The following ECH1 variants were observed in gnomAD, a reference collection of about 807,000 sequenced individuals.
The protein encoded by ECH1 is enoyl-CoA hydratase 1.
ECH1 carries 30 observed loss-of-function variants against 37.0 expected under a neutral mutation model. That is an observed-to-expected ratio of 0.81 (90% CI 0.61 to 1.10). The LOEUF (loss-of-function observed/expected upper bound fraction) is 1.10, where lower values mean the gene tolerates loss of function less well. Ranked by LOEUF, ECH1 falls within the 50% of genes least tolerant of loss-of-function variation. The probability of loss-of-function intolerance (pLI) is 0.00; values close to 1 mark genes in which losing one functional copy is unlikely to be tolerated. For missense variants in ECH1, 456 were observed against 441.6 expected (o/e 1.03, Z -0.29); for synonymous variants, 178 against 176.0 (o/e 1.01, Z -0.09).
At chr19:38,830,103 G>A (rs957025011) in intron 3 of ECH1, among the ~76,000 whole-genome samples, 2 of 152,224 alleles carry the variant, frequency 1.3e-5, no homozygotes, top group African/African-American at 4.8e-5. Context: ...GTTGCAGTGA[G>A]TTGAGATTGC....
Position 38,817,310 on chromosome 19 carries a change from ACT to A in ECH1, c.523+4_523+5del. ...CACCCGAGCAGGAGGATAGCCGCAG[ACT>A]CACCTCCGCCAATGCAGCCCCCATG... On this transcript the variant is annotated splice_donor_5th_base_variant and intron_variant, in intron 5 of 9. Transcript: ENST00000221418. 4.5e-6 allele frequency: 7 copies of A among 1,550,174 alleles called. No homozygotes were observed. Among genetic ancestry groups the A allele is most frequent in the Non-Finnish European group, 6.1e-6 (7 of 1,144,096 alleles).
chr19:38,821,975 A>G (rs1385825363), intron 3 of ECH1, among the ~76,000 whole-genome samples: 1 of 152,230 alleles, frequency 6.6e-6, no homozygotes, highest in African/African-American at 2.4e-5. Flanking sequence ...TAGCTGAGGG[A>G]CTGTAAATGC....
intron 3 of ECH1, chr19:38,818,239 C>G (rs1224113082): frequency 2.0e-6 from 2 of 985,332 alleles, no homozygotes; most frequent in Non-Finnish European, 2.4e-6. Flanking sequence ...CAGCCTGGGA[C>G]TCAAGGTCTG....
At chr19:38,819,091 G>A (rs1971625100) in intron 3 of ECH1, 1 of 984,734 alleles carries the variant, frequency 1.0e-6, no homozygotes. Context: ...GGGCGACAGA[G>A]CAAGACCCTG....
chr19:38,824,385 T>C (rs960284995), intron 3 of ECH1, among the ~76,000 whole-genome samples: 1 of 152,176 alleles, frequency 6.6e-6, no homozygotes, highest in Non-Finnish European at 1.5e-5. Context: ...TTGCAGTTTC[T>C]TGGGCAGGGG....
At chr19:38,830,141 C>G (rs1232961422) in intron 3 of ECH1, among the ~76,000 whole-genome samples, 1 of 152,068 alleles carries the variant, frequency 6.6e-6, no homozygotes, top group Non-Finnish European at 1.5e-5. Context: ...AAAACTCCGT[C>G]TGAAACAAAA....
At chr19:38,831,217 T>G in intron 2 of ECH1, 51 bp from the exon 3 acceptor site, 1 of 1,606,884 alleles carries the variant, frequency 6.2e-7, no homozygotes, top group African/African-American at 1.3e-5. Flanking sequence ...TACCCTGCCC[T>G]CATGTCCATC....
intron 3 of ECH1, among the ~76,000 whole-genome samples, chr19:38,824,517 C>T (rs933627100): frequency 6.6e-6 from 1 of 152,124 alleles, no homozygotes; most frequent in Non-Finnish European, 1.5e-5. Context: ...ACCCATAAAC[C>T]CTGAAAAAGA....
chr19:38,816,973 G>T lies in ECH1; in HGVS notation c.588+92C>A. ...GTCTTACTTTGTCGGGTTCAACTCC[G>T]ACTCTTCCATGAAGCCCTCGAGGCT... On this transcript the variant is annotated intron_variant, in intron 6 of 9. Transcript: ENST00000221418. The T allele has an allele frequency of 2.1e-6, 3 of 1,407,722 alleles. No individual in the cohort carries two copies. The South Asian group carries it at 3.7e-5, about 18-fold the overall frequency. The allele number at this position is 1,407,722 out of a possible 1,614,324, so 87.2% of individuals were successfully genotyped here.
At chr19:38,825,704 G>T (rs1309473176) in intron 3 of ECH1, among the ~76,000 whole-genome samples, 1 of 152,200 alleles carries the variant, frequency 6.6e-6, no homozygotes, top group Non-Finnish European at 1.5e-5. Flanking sequence ...AGATAGTAGA[G>T]GCCAATCACC....
chr19:38,817,071 C>A lies in ECH1; in HGVS notation c.582G>T (p.Gln194His), dbSNP rs868681583. 1 of 1,571,626 alleles carries A rather than the reference C, an allele frequency of 6.4e-7. No homozygotes were observed. Among genetic ancestry groups the A allele is most frequent in the East Asian group, 2.4e-5 (1 of 42,014 alleles). ...IRYCAQDAFF[Q>H]VKEVDVGLAA... Reference sequence around the variant, plus strand: ...GCTCGGGAGGATGACTCACCTTCACCTGGAAGAAAGCATCCTGGGCACAGT... The same window carrying A: ...GCTCGGGAGGATGACTCACCTTCACATGGAAGAAAGCATCCTGGGCACAGT... Residue 194 changes from glutamine to histidine, a missense_variant, in exon 6 of 10, where the codon CAG (glutamine) becomes CAT (histidine). Coordinates refer to ENST00000221418, the MANE Select transcript of ECH1 (RefSeq NM_001398.3).
At chr19:38,817,200 C>T (rs1426719595) in intron 5 of ECH1, 71 bp from the exon 6 acceptor site, 1 of 1,550,526 alleles carries the variant, frequency 6.4e-7, no homozygotes, top group Non-Finnish European at 8.7e-7. Flanking sequence ...GTGGGGCTGC[C>T]TCTTGGGACA....
chr19:38,815,481 A>T lies in ECH1; in HGVS notation c.*132T>A. On this transcript the variant is annotated 3_prime_UTR_variant, in exon 10 of 10. Coordinates refer to ENST00000221418, the MANE Select transcript of ECH1 (RefSeq NM_001398.3). ...ATAAGGCCTTGGGCTTGAGAAACTC[A>T]TTGTCATAAAGTTATAAACTGGGAA... 1.2e-6 allele frequency: 1 copy of T among 829,386 alleles called. No individual in the cohort carries two copies. Among genetic ancestry groups the T allele is most frequent in the South Asian group, 1.6e-5 (1 of 60,778 alleles). 51.4% of individuals were successfully genotyped at this position (829,386 alleles called of 1,614,324 possible). A position where few individuals can be genotyped will look rare whatever the true frequency, so the allele number is the denominator to read the frequency against.
intron 3 of ECH1, among the ~76,000 whole-genome samples, chr19:38,821,505 G>A (rs895075585): frequency 4.6e-5 from 7 of 152,268 alleles, no homozygotes; most frequent in South Asian, 2.1e-4. Flanking sequence ...AGGGAGAGGC[G>A]CGGGCGGGAA....
chr19:38,820,579 T>G (rs546971110), intron 3 of ECH1: 1 of 152,210 alleles, frequency 6.6e-6, no homozygotes, highest in Non-Finnish European at 1.5e-5. Context: ...AGAATTAATA[T>G]GTTTAACGTG....
chr19:38,816,606 T>C, intron 6 of ECH1, 83 bp from the exon 7 acceptor site: 1 of 1,482,618 alleles, frequency 6.7e-7, no homozygotes, highest in Admixed American at 1.9e-5. Context: ...ATTTCATGTC[T>C]ACTGGAGAGT....
Position 38,815,628 on chromosome 19 carries a change from G to C in ECH1, c.972C>G (p.Thr324=). The C allele has an allele frequency of 1.2e-6, 2 of 1,614,216 alleles. No homozygotes were observed. Among genetic ancestry groups the C allele is most frequent in the South Asian group, 2.2e-5 (2 of 91,080 alleles). ...GCGAGGGCTCTCAGAGCTTGGAGAAGGTGACGGTTTTCAGTTCCTTGTTCT... is the reference window on the plus strand; with the variant it reads ...GCGAGGGCTCTCAGAGCTTGGAGAACGTGACGGTTTTCAGTTCCTTGTTCT... ...TTENKELKTV[T]FSKL The change falls in exon 10 of 10, where the codon ACC becomes ACG. Residue 324 remains threonine, a synonymous_variant. Transcript: ENST00000221418.
intron 3 of ECH1, chr19:38,819,080 T>C: frequency 1.0e-6 from 1 of 984,196 alleles, no homozygotes; most frequent in Non-Finnish European, 1.2e-6. Context: ...CACTCCAGCC[T>C]GGGCGACAGA....
intron 8 of ECH1, 88 bp downstream of exon 8, chr19:38,816,196 G>T: frequency 1.3e-6 from 2 of 1,540,168 alleles, no homozygotes; most frequent in South Asian, 2.3e-5. Flanking sequence ...AGGAATTCTA[G>T]AGCGAGGAGA....
Sources: gnomAD v4.1 joint callset for allele counts (sites outside exome capture counted in the v4.1 genomes callset) on GRCh38, gnomAD v4.1.1 for gene constraint, MANE v1.5 for transcripts, NCBI Gene and HGNC (gene_info 2026-07-23, HGNC 2026-07-21) for gene names.